The following SWAP70 variants were observed in gnomAD, a reference collection of about 807,000 sequenced individuals.
SWAP70 encodes switch-associated protein 70.
A neutral mutation model predicts 80.2 loss-of-function variants in SWAP70; 34 were observed. The ratio of observed to expected loss-of-function variants is 0.42; its 90% CI spans 0.32 to 0.56. The LOEUF is 0.56. Ranked by LOEUF, SWAP70 falls within the 20% of genes least tolerant of loss-of-function variation. The probability of loss-of-function intolerance (pLI) is 0.09; values close to 1 mark genes in which losing one functional copy is unlikely to be tolerated. For missense variants in SWAP70, 578 were observed against 690.7 expected, an observed-to-expected ratio of 0.84 and a Z score of 1.83; for synonymous variants, 239 against 238.5, an observed-to-expected ratio of 1.00 and a Z score of -0.02.
At chr11:9,714,969 C>CTTTTT (rs1851047417) in intron 3 of SWAP70, among the ~76,000 whole-genome samples, 1 of 95,840 alleles carries the variant, frequency 1.0e-5, no homozygotes, top group South Asian at 2.9e-4. Flanking sequence ...ACCACACCTG[C>CTTTTT]CTTTTTTTTT....
At chr11:9,705,467 C>T (rs376090854) in intron 2 of SWAP70, among the ~76,000 whole-genome samples, 17 of 105,402 alleles carry the variant, frequency 1.6e-4, no homozygotes, top group African/African-American at 4.2e-4. Context: ...GATCTGTGTA[C>T]ACTTGGTGAT....
chr11:9,717,139 C>T (rs1279889991), intron 3 of SWAP70, among the ~76,000 whole-genome samples: 2 of 152,036 alleles, frequency 1.3e-5, no homozygotes, highest in Non-Finnish European at 2.9e-5. Context: ...GGAACAGTTT[C>T]TTAGTGCTTA....
At chr11:9,676,080 T>C (rs1252477829) in intron 1 of SWAP70, among the ~76,000 whole-genome samples, 1 of 152,218 alleles carries the variant, frequency 6.6e-6, no homozygotes, top group Non-Finnish European at 1.5e-5. Flanking sequence ...AGGCTAATAG[T>C]GGGGAAACAG....
At chr11:9,749,609 C>G (rs564077155) in intron 11 of SWAP70, among the ~76,000 whole-genome samples, 1 of 152,152 alleles carries the variant, frequency 6.6e-6, no homozygotes, top group African/African-American at 2.4e-5. Flanking sequence ...ACTAAAGAAA[C>G]TTTTTTAGCC....
rs1851389325 is a variant in SWAP70 at position 9,738,253 on chromosome 11, A to C, written c.1121A>C (p.Lys374Thr). Residue 374 changes from lysine (K) to threonine (T), a missense_variant, in exon 8 of 12, where the codon AAG becomes ACG. By Grantham distance (78) the Lys-to-Thr change is moderately conservative (BLOSUM62 -1). Transcript: ENST00000318950. ...GCATCTCGTGCAGCAGAAGAGGAAA[A>C]GAAACGCCTTCAGACTCAAGTGGAA... ...EAASRAAEEEKKRLQTQVELQ... is the reference protein window; with the variant it reads ...EAASRAAEEETKRLQTQVELQ... 1 of 1,611,648 alleles carries C rather than the reference A, an allele frequency of 6.2e-7. No individual in the cohort carries two copies. Among genetic ancestry groups the C allele is most frequent in the African/African-American group, 1.3e-5 (1 of 74,908 alleles).
At chr11:9,673,679 A>G (rs1003459878) in intron 1 of SWAP70, among the ~76,000 whole-genome samples, 2 of 151,972 alleles carry the variant, frequency 1.3e-5, no homozygotes, top group Non-Finnish European at 2.9e-5. Flanking sequence ...ATGGGGGAGG[A>G]CCCCTTCTGA....
intron 2 of SWAP70, among the ~76,000 whole-genome samples, chr11:9,694,665 A>G (rs771592282): frequency 6.6e-6 from 1 of 152,246 alleles, no homozygotes; most frequent in Non-Finnish European, 1.5e-5. Flanking sequence ...ATGAACAGAC[A>G]CTTCTCAAAA....
chr11:9,666,140 C>T (rs183046402), intron 1 of SWAP70, among the ~76,000 whole-genome samples: 4 of 148,772 alleles, frequency 2.7e-5, no homozygotes, highest in East Asian at 2.0e-4. Context: ...GGCTGGAGTG[C>T]GGTGGTGTGA....
intron 3 of SWAP70, among the ~76,000 whole-genome samples, chr11:9,722,473 G>A (rs1353362581): frequency 1.3e-5 from 2 of 152,214 alleles, no homozygotes; most frequent in Admixed American, 6.5e-5. Flanking sequence ...CAAAACTTTA[G>A]TGTGCAAATG....
At chr11:9,737,484 G>A (rs914941819) in intron 7 of SWAP70, among the ~76,000 whole-genome samples, 5 of 152,140 alleles carry the variant, frequency 3.3e-5, no homozygotes, top group South Asian at 2.1e-4. Flanking sequence ...TTTTGTTGGG[G>A]AAAGGGTCTG....
chr11:9,718,229 C>CTGTGCT (rs1203862905), intron 3 of SWAP70, among the ~76,000 whole-genome samples: 1 of 152,236 alleles, frequency 6.6e-6, no homozygotes, highest in African/African-American at 2.4e-5. Flanking sequence ...TGGACTCACT[C>CTGTGCT]TGTGCTTTGA....
At chr11:9,700,868 T>G (rs1410585972) in intron 2 of SWAP70, among the ~76,000 whole-genome samples, 1 of 152,200 alleles carries the variant, frequency 6.6e-6, no homozygotes, top group East Asian at 1.9e-4. Flanking sequence ...TCAAGTTGTT[T>G]TAAGGTGATT....
intron 1 of SWAP70, among the ~76,000 whole-genome samples, chr11:9,664,925 T>G (rs899902651): frequency 1.1e-4 from 17 of 152,194 alleles, no homozygotes; most frequent in African/African-American, 3.6e-4. Flanking sequence ...GGGACCTTAG[T>G]TCCGGGTGAG....
chr11:9,738,393 A>T, intron 8 of SWAP70, 73 bp downstream of exon 8: 1 of 1,104,446 alleles, frequency 9.1e-7, no homozygotes. Flanking sequence ...GAAGGGCTGG[A>T]GGCTACAGTG....
At chr11:9,722,891 C>G (rs1851157994) in intron 3 of SWAP70, among the ~76,000 whole-genome samples, 1 of 152,206 alleles carries the variant, frequency 6.6e-6, no homozygotes. Flanking sequence ...AGGAAGAACA[C>G]ATGATAGGGA....
intron 9 of SWAP70, among the ~76,000 whole-genome samples, chr11:9,744,554 G>A (rs1230216627): frequency 6.6e-6 from 1 of 152,120 alleles, no homozygotes; most frequent in Non-Finnish European, 1.5e-5. Flanking sequence ...TAATCCTGAA[G>A]GTGATCTAGC....
intron 1 of SWAP70, among the ~76,000 whole-genome samples, chr11:9,667,901 T>G (rs779565431): frequency 1.5e-4 from 23 of 152,120 alleles, no homozygotes; most frequent in Non-Finnish European, 2.6e-4. Flanking sequence ...TATTTTTTAT[T>G]TTTTTGAGAC....
At chr11:9,717,584 G>A (rs1020358595) in intron 3 of SWAP70, among the ~76,000 whole-genome samples, 1 of 151,642 alleles carries the variant, frequency 6.6e-6, no homozygotes, top group Admixed American at 6.6e-5. Flanking sequence ...AGCCTGGGAG[G>A]TGGAGCTTGC....
At chr11:9,720,150 T>G (rs1851116544) in intron 3 of SWAP70, 3 of 985,312 alleles carry the variant, frequency 3.0e-6, no homozygotes, top group Non-Finnish European at 3.6e-6. Context: ...ATGGTAATGT[T>G]TGTCTCTCCT....
Sources: gnomAD v4.1 joint callset for allele counts (sites outside exome capture counted in the v4.1 genomes callset) on GRCh38, gnomAD v4.1.1 for gene constraint, MANE v1.5 for transcripts, NCBI Gene and HGNC (gene_info 2026-07-23, HGNC 2026-07-21) for gene names.